Variants in DMRTB1 observed in about 807,000 individuals in gnomAD.
The protein encoded by DMRTB1 is doublesex- and mab-3-related transcription factor B1.
DMRTB1 carries 9 observed loss-of-function variants against 25.2 expected under a neutral mutation model. That is an observed-to-expected ratio of 0.36 (90% confidence interval 0.22 to 0.62). The LOEUF (loss-of-function observed/expected upper bound fraction) is 0.62. Among genes scored for constraint, DMRTB1 ranks in the 20% least tolerant of loss-of-function variants. The pLI, the probability that DMRTB1 is intolerant of heterozygous loss-of-function variation, is 0.71. For missense variants in DMRTB1, 551 were observed against 499.3 expected (o/e 1.10, Z -0.99); for synonymous variants, 269 against 238.1 (o/e 1.13, Z -1.20).
In DMRTB1 at chr1:53,460,817, C is replaced by T. The variant is rs547351081; in HGVS notation, c.578-656C>T. Reference sequence around the variant, plus strand: ...CTCAGGCCGAGGCGGGGGCCCGGGTCACGCTGGACAAGCTCCTGCCCTCTG... The same window carrying T: ...CTCAGGCCGAGGCGGGGGCCCGGGTTACGCTGGACAAGCTCCTGCCCTCTG... On this transcript the variant is annotated intron_variant, in intron 1 of 3. Coordinates refer to ENST00000371445, the MANE Select transcript of DMRTB1 (RefSeq NM_033067.3). 4.2e-4 allele frequency among the ~76,000 whole-genome samples: 64 copies of T among 152,310 alleles called. 2 individuals carry two copies. The South Asian group carries it at 0.013, about 31-fold the overall frequency.
At chr1:53,466,540 G>A (rs1179510491) in intron 3 of DMRTB1, 55 bp from the exon 4 acceptor site, 1 of 1,491,610 alleles carries the variant, frequency 6.7e-7, no homozygotes, top group Non-Finnish European at 9.2e-7. Flanking sequence ...TCTGCAAATA[G>A]GTAGTTGTAA....
At position 53,460,090 on chromosome 1, in the gene DMRTB1, G is replaced by A. The variant is rs867550937; in HGVS notation, c.577+60G>A. The A allele has an allele frequency of 4.0e-6, 6 of 1,483,764 alleles. No individual in the cohort carries two copies. The African/African-American group carries it at 4.3e-5, about 11-fold the overall frequency. The allele number at this position is 1,483,764 out of a possible 1,614,324, so 91.9% of individuals were successfully genotyped here. ...GGAGCTGGCAGCCCAGGCCAGCCCG[G>A]ATGGGGAGCTGGCATAGGGGTTCGG... On this transcript the variant is annotated intron_variant, in intron 1 of 3. Transcript: ENST00000371445.
At chr1:53,465,085 G>T (rs184067016) in intron 3 of DMRTB1, among the ~76,000 whole-genome samples, 1 of 152,288 alleles carries the variant, frequency 6.6e-6, no homozygotes, top group Admixed American at 6.5e-5. Context: ...GTTCTCTTGG[G>T]TATAAATGGC....
chr1:53,460,813 G>A (rs368749096), intron 1 of DMRTB1, among the ~76,000 whole-genome samples: 3 of 152,162 alleles, frequency 2.0e-5, no homozygotes, highest in African/African-American at 7.2e-5. Flanking sequence ...GCGGGGGCCC[G>A]GGTCACGCTG....
In DMRTB1 at chr1:53,459,703, G is replaced by GCCCCCGCC; in HGVS notation, c.254_261dup (p.Val88ProfsTer91). The GCCCCCGCC allele has an allele frequency of 6.9e-7, 1 of 1,451,416 alleles. No homozygotes were observed. 89.9% of individuals were successfully genotyped at this position (1,451,416 alleles called of 1,614,324 possible). A position where few individuals can be genotyped will look rare whatever the true frequency, so the allele number is the denominator to read the frequency against. Reference sequence around the variant, plus strand: ...GCAGGCCTCCGGGGCTGCGGCCGCCGCCCCCGCCCCCGTCCCCGTCCCGGC... The same window carrying GCCCCCGCC: ...GCAGGCCTCCGGGGCTGCGGCCGCCGCCCCCGCCCCCCCGCCCCCGTCCCCGTCCCGGC... On this transcript the variant is annotated frameshift_variant, in exon 1 of 4. Coordinates refer to ENST00000371445, the MANE Select transcript of DMRTB1 (RefSeq NM_033067.3). LOFTEE classifies it high-confidence loss of function.
intron 3 of DMRTB1, 40 bp from the exon 4 acceptor site, chr1:53,466,555 C>A: frequency 6.3e-7 from 1 of 1,575,314 alleles, no homozygotes; most frequent in Admixed American, 1.9e-5. Context: ...TTGTAATTTT[C>A]GCTCTTTCTA....
At chr1:53,462,161 A>G (rs1157126484) in intron 2 of DMRTB1, among the ~76,000 whole-genome samples, 1 of 152,220 alleles carries the variant, frequency 6.6e-6, no homozygotes, top group East Asian at 1.9e-4. Flanking sequence ...TACCTGTTGA[A>G]AGAATGAAAT....
chr1:53,459,652 G>A lies in DMRTB1; in HGVS notation c.199G>A (p.Ala67Thr). ...GCAGGCCGCCGAGGAGGAGCAGGAG[G>A]CGGCCCTGTGTGCGCAGGGGCCCAA... ...KTQAAEEEQE[A>T]ALCAQGPKQA... Residue 67 changes from alanine (A) to threonine (T), a missense_variant, in exon 1 of 4, where the codon GCG becomes ACG. Ala to Thr is a moderately conservative substitution (Grantham distance 58). Coordinates refer to ENST00000371445, the MANE Select transcript of DMRTB1 (RefSeq NM_033067.3). 6.4e-7 allele frequency: 1 copy of A among 1,551,674 alleles called. No homozygotes were observed. The highest frequency in any genetic ancestry group is 8.7e-7 in the Non-Finnish European group (1 of 1,148,814).
rs1341197354 is a variant in DMRTB1, at chr1:53,459,640, G to A, written c.187G>A (p.Glu63Lys). 5.8e-6 allele frequency: 9 copies of A among 1,556,512 alleles called. No individual in the cohort carries two copies. In the East Asian group the frequency reaches 1.7e-4, roughly 29 times the overall value. ...QKVLKTQAAE[E>K]EQEAALCAQG... ...GGTGCTCAAGACGCAGGCCGCCGAG[G>A]AGGAGCAGGAGGCGGCCCTGTGTGC... Residue 63 changes from glutamate (E) to lysine (K), a missense_variant, in exon 1 of 4, where the codon GAG becomes AAG. Glu to Lys is a moderately conservative substitution (Grantham distance 56). Coordinates refer to ENST00000371445, the MANE Select transcript of DMRTB1 (RefSeq NM_033067.3).
intron 2 of DMRTB1, 40 bp from the exon 3 acceptor site, chr1:53,464,597 T>A: frequency 1.9e-6 from 3 of 1,611,542 alleles, no homozygotes; most frequent in South Asian, 1.1e-5. Context: ...TCTGGCTAAC[T>A]CTCTCTCCTC....
At position 53,459,622 on chromosome 1, in the gene DMRTB1, A is replaced by G. The variant is rs774418284; in HGVS notation, c.169A>G (p.Lys57Glu). 2.5e-6 allele frequency: 4 copies of G among 1,574,702 alleles called. No individual in the cohort carries two copies. The highest frequency in any genetic ancestry group is 1.3e-5 in the African/African-American group (1 of 74,148). ...GATCATGGCCGCGCAGAAGGTGCTCAAGACGCAGGCCGCCGAGGAGGAGCA... is the reference window on the plus strand; with the variant it reads ...GATCATGGCCGCGCAGAAGGTGCTCGAGACGCAGGCCGCCGAGGAGGAGCA... ...QKIMAAQKVLKTQAAEEEQEA... is the reference protein window; with the variant it reads ...QKIMAAQKVLETQAAEEEQEA... Residue 57 changes from lysine (K) to glutamate (E), a missense_variant, in exon 1 of 4, where the codon AAG becomes GAG. Lys to Glu is a moderately conservative substitution (Grantham distance 56). Transcript: ENST00000371445.
chr1:53,464,926 G>A (rs1644043261), intron 3 of DMRTB1, 79 bp downstream of exon 3: 1 of 1,581,736 alleles, frequency 6.3e-7, no homozygotes, highest in Non-Finnish European at 8.6e-7. Flanking sequence ...TCTGAAGAAA[G>A]GTTAGGTGTG....
At chr1:53,463,445 C>T (rs979357868) in intron 2 of DMRTB1, among the ~76,000 whole-genome samples, 1 of 152,170 alleles carries the variant, frequency 6.6e-6, no homozygotes, top group African/African-American at 2.4e-5. Context: ...GAGGACCTCA[C>T]TCGGGTCTTG....
At chr1:53,464,544 G>A (rs755022186) in intron 2 of DMRTB1, 93 bp from the exon 3 acceptor site, 5 of 1,594,970 alleles carry the variant, frequency 3.1e-6, no homozygotes, top group Non-Finnish European at 4.3e-6. Context: ...ACCCCATCAG[G>A]AGCCCCCCAC....
chr1:53,465,303 T>A (rs1470663604), intron 3 of DMRTB1, among the ~76,000 whole-genome samples: 1 of 152,098 alleles, frequency 6.6e-6, no homozygotes, highest in East Asian at 1.9e-4. Flanking sequence ...GGGCTGTGCC[T>A]CTGCCCCAGG....
chr1:53,459,861 G>C lies in DMRTB1; in HGVS notation c.408G>C (p.Pro136=). The change falls in exon 1 of 4, where the codon CCG becomes CCC. Residue 136 remains proline, a synonymous_variant. Coordinates refer to ENST00000371445, the MANE Select transcript of DMRTB1 (RefSeq NM_033067.3). ...GRNPGPRALQ[P]VLGGRSHVEP... is the part of the protein sequence containing the mutation. Reference sequence around the variant, plus strand: ...ACCCCGGCCCGAGAGCCCTCCAGCCGGTTCTGGGCGGCCGCAGCCACGTGG... The same window carrying C: ...ACCCCGGCCCGAGAGCCCTCCAGCCCGTTCTGGGCGGCCGCAGCCACGTGG... The C allele has an allele frequency of 6.7e-7, 1 of 1,499,328 alleles. No homozygotes were observed. Among genetic ancestry groups the C allele is most frequent in the Admixed American group, 2.1e-5 (1 of 46,572 alleles). The allele number at this position is 1,499,328 out of a possible 1,614,324, so 92.9% of individuals were successfully genotyped here.
chr1:53,459,917 C>A lies in DMRTB1; in HGVS notation c.464C>A (p.Pro155His). 3 of 1,553,962 alleles carry A rather than the reference C, an allele frequency of 1.9e-6. No individual in the cohort carries two copies. The highest frequency in any genetic ancestry group is 2.6e-6 in the Non-Finnish European group (3 of 1,159,692). ...AGCGAGCGAGCCGCCGTGGCGATGC[C>A]CAGCCTTGCGGGACCCCCTTTTGGG... ...EPSERAAVAM[P>H]SLAGPPFGAE... is the part of the protein sequence containing the mutation. The change falls in exon 1 of 4, where the codon CCC (proline) becomes CAC (histidine). Residue 155 changes from proline to histidine, a missense_variant. Transcript: ENST00000371445.
chr1:53,464,596 C>T (rs752706098), intron 2 of DMRTB1, 41 bp from the exon 3 acceptor site: 1 of 1,611,644 alleles, frequency 6.2e-7, no homozygotes, highest in East Asian at 2.2e-5. Flanking sequence ...ATCTGGCTAA[C>T]TCTCTCTCCT....
rs1011502282 is a variant in DMRTB1, at chr1:53,461,557, C to A, written c.662C>A (p.Pro221Gln). Residue 221 changes from proline to glutamine, a missense_variant, in exon 2 of 4, where the codon CCG (proline) becomes CAG (glutamine). Physicochemically the swap from Pro to Gln is moderately conservative, Grantham distance 76. Coordinates refer to ENST00000371445, the MANE Select transcript of DMRTB1 (RefSeq NM_033067.3). Reference protein sequence around the residue: ...GSSMHPYCPFPLGYLDAPPGV... With the variant: ...GSSMHPYCPFQLGYLDAPPGV... ...AGCATGCACCCCTACTGCCCGTTCC[C>A]GCTGGGCTACCTGGACGCCCCTCCT... 6.2e-7 allele frequency: 1 copy of A among 1,612,196 alleles called. No individual in the cohort carries two copies. Among genetic ancestry groups the A allele is most frequent in the Admixed American group, 1.7e-5 (1 of 59,812 alleles).
Sources: allele counts gnomAD v4.1 joint callset (sites outside exome capture counted in the v4.1 genomes callset), GRCh38; gene constraint gnomAD v4.1.1; transcripts MANE v1.5; gene names NCBI Gene and HGNC (gene_info 2026-07-23, HGNC 2026-07-21).